The following DLGAP1 variants were observed in gnomAD, a reference collection of about 807,000 sequenced individuals.
DLGAP1 encodes disks large-associated protein 1.
Under a neutral mutation model 90.8 loss-of-function variants are expected in DLGAP1, and 11 were observed. That is an observed-to-expected ratio of 0.12 (90% CI 0.08 to 0.20). DLGAP1 has a LOEUF of 0.20. Ranked by LOEUF, DLGAP1 falls within the 10% of genes least tolerant of loss-of-function variation. The pLI, the probability that DLGAP1 is intolerant of heterozygous loss-of-function variation, is 1.00. For missense variants in DLGAP1, 1,050 were observed against 1,333.8 expected (o/e 0.79, Z 3.31); for synonymous variants, 558 against 540.7 (o/e 1.03, Z -0.44).
intron 5 of DLGAP1, among the ~76,000 whole-genome samples, chr18:3,764,479 T>C (rs1030250865): frequency 6.6e-6 from 1 of 152,222 alleles, no homozygotes; most frequent in Non-Finnish European, 1.5e-5. Flanking sequence ...TGATCTACTG[T>C]TTCCAATGCT....
At chr18:4,286,076 G>C (rs2079682645) in intron 1 of DLGAP1, among the ~76,000 whole-genome samples, 1 of 152,138 alleles carries the variant, frequency 6.6e-6, no homozygotes, top group African/African-American at 2.4e-5. Flanking sequence ...GAACACAACA[G>C]CTTATGTCTC....
chr18:4,155,444 T>C (rs1172216284), intron 1 of DLGAP1, among the ~76,000 whole-genome samples: 6 of 152,176 alleles, frequency 3.9e-5, no homozygotes, highest in East Asian at 3.8e-4. Flanking sequence ...CTGTGAGGAA[T>C]AGTAGTAGGT....
intron 4 of DLGAP1, chr18:3,845,346 G>A: frequency 6.4e-7 from 1 of 1,567,712 alleles, no homozygotes; most frequent in Non-Finnish European, 8.7e-7. Flanking sequence ...TCTATGATTT[G>A]CCGATTCTAA....
intron 1 of DLGAP1, among the ~76,000 whole-genome samples, chr18:4,175,830 C>A (rs1026826070): frequency 5.9e-5 from 9 of 152,136 alleles, no homozygotes; most frequent in African/African-American, 2.2e-4. Context: ...GTTACTGTAA[C>A]CTTGTAGTAT....
intron 1 of DLGAP1, among the ~76,000 whole-genome samples, chr18:4,372,180 G>T (rs111948790): frequency 2.6e-5 from 4 of 152,326 alleles, no homozygotes; most frequent in African/African-American, 9.6e-5. Flanking sequence ...ACTTTGGCTT[G>T]CTAGGTCACA....
chr18:4,275,232 TCCAG>T (rs1227153332), intron 1 of DLGAP1: 1 of 152,166 alleles, frequency 6.6e-6, no homozygotes, highest in Non-Finnish European at 1.5e-5. Context: ...CTCACTCCAC[TCCAG>T]CCACACTGGC....
intron 2 of DLGAP1, among the ~76,000 whole-genome samples, chr18:4,085,879 T>G (rs1327580701): frequency 6.6e-6 from 1 of 152,210 alleles, no homozygotes; most frequent in Non-Finnish European, 1.5e-5. Flanking sequence ...TTTCATTTCC[T>G]TTTGATTTTT....
chr18:4,449,905 C>T (rs575966490), intron 1 of DLGAP1, among the ~76,000 whole-genome samples: 1 of 152,252 alleles, frequency 6.6e-6, no homozygotes, highest in African/African-American at 2.4e-5. Context: ...TGAGTCTTAT[C>T]TGAACTACCT....
At position 3,991,189 on chromosome 18, in the gene DLGAP1, CA is replaced by C. The variant is rs377186644; in HGVS notation, c.-73+13926del. On this transcript the variant is annotated intron_variant, in intron 3 of 12. Coordinates refer to ENST00000315677, the MANE Select transcript of DLGAP1 (RefSeq NM_004746.4). The stretch of plus-strand genomic sequence containing the variant: ...AATATTAATATAAAAAAACAAAAAA[CA>C]AAAGACCTCATTTCCTGTATCTCTA... 3.3e-3 allele frequency among the ~76,000 whole-genome samples: 504 copies of C among 152,020 alleles called. 5 individuals carry two copies. The highest frequency in any genetic ancestry group is 0.012 in the African/African-American group (479 of 41,500).
intron 1 of DLGAP1, among the ~76,000 whole-genome samples, chr18:4,432,122 TTTAGAA>T (rs1454524849): frequency 6.6e-6 from 1 of 152,202 alleles, no homozygotes; most frequent in East Asian, 1.9e-4. Flanking sequence ...TCAAATTTCT[TTTAGAA>T]AACACTTAAA....
At chr18:4,184,171 G>C (rs1490782663) in intron 1 of DLGAP1, among the ~76,000 whole-genome samples, 1 of 152,120 alleles carries the variant, frequency 6.6e-6, no homozygotes, top group Admixed American at 6.6e-5. Context: ...CAAAGGCTTA[G>C]CCACTTTTGC....
intron 3 of DLGAP1, among the ~76,000 whole-genome samples, chr18:3,943,006 C>T (rs1599194945): frequency 1.3e-5 from 2 of 151,872 alleles, no homozygotes; most frequent in Non-Finnish European, 2.9e-5. Context: ...CTTGATGCAG[C>T]TATTAAAAAT....
chr18:3,662,862 C>T (rs2059734464), intron 7 of DLGAP1, among the ~76,000 whole-genome samples: 1 of 152,338 alleles, frequency 6.6e-6, no homozygotes, highest in South Asian at 2.1e-4. Flanking sequence ...ATACGTTGGA[C>T]ATATATGAGG....
rs143954940 is a variant in DLGAP1 at position 4,125,897 on chromosome 18, C to T, written c.-159+25283G>A. 5.2e-3 allele frequency among the ~76,000 whole-genome samples: 799 copies of T among 152,260 alleles called. 9 individuals carry two copies. Among genetic ancestry groups the T allele is most frequent in the African/African-American group, 0.018 (754 of 41,544 alleles). On this transcript the variant is annotated intron_variant, in intron 2 of 12. Transcript: ENST00000315677. Reference sequence around the variant, plus strand: ...CACAGGTGGCTGCTACGAACATTTCCAGGGCCAGAGTGACTGGAGCCACAG... The same window carrying T: ...CACAGGTGGCTGCTACGAACATTTCTAGGGCCAGAGTGACTGGAGCCACAG...
At chr18:3,988,278 G>A (rs1226768784) in intron 3 of DLGAP1, among the ~76,000 whole-genome samples, 1 of 152,098 alleles carries the variant, frequency 6.6e-6, no homozygotes, top group Non-Finnish European at 1.5e-5. Flanking sequence ...GACACTAGAT[G>A]CAGCTATACA....
At chr18:4,364,279 A>C (rs1235597442) in intron 1 of DLGAP1, among the ~76,000 whole-genome samples, 2 of 116,872 alleles carry the variant, frequency 1.7e-5, no homozygotes, top group Admixed American at 9.2e-5. Context: ...GGGGGGAGGG[A>C]TAGCATTAGG....
At chr18:3,637,523 C>T (rs2058760260) in intron 7 of DLGAP1, among the ~76,000 whole-genome samples, 1 of 148,174 alleles carries the variant, frequency 6.7e-6, no homozygotes, top group South Asian at 2.1e-4. Context: ...TGCCTGAGCC[C>T]AGGAGTTCAA....
At chr18:3,920,513 C>CT (rs34994897) in intron 3 of DLGAP1, among the ~76,000 whole-genome samples, 1 of 152,152 alleles carries the variant, frequency 6.6e-6, no homozygotes. Context: ...TTATGCCCCA[C>CT]TTTTTTTCCA....
At chr18:4,148,877 G>A (rs1402405273) in intron 2 of DLGAP1, among the ~76,000 whole-genome samples, 1 of 152,140 alleles carries the variant, frequency 6.6e-6, no homozygotes, top group Admixed American at 6.6e-5. Context: ...CACAACCACA[G>A]GCTTTATCCA....
Sources: allele counts gnomAD v4.1 joint callset (sites outside exome capture counted in the v4.1 genomes callset), GRCh38; gene constraint gnomAD v4.1.1; transcripts MANE v1.5; gene names NCBI Gene and HGNC (gene_info 2026-07-23, HGNC 2026-07-21).